Variants in SLC14A2 observed in about 807,000 individuals in gnomAD.
The protein encoded by SLC14A2 is urea transporter 2.
In SLC14A2, 91 loss-of-function variants were observed where a neutral mutation model predicts 104.6. The observed-to-expected ratio is 0.87, with a 90% CI of 0.73 to 1.04. The LOEUF is 1.04. Among genes scored for constraint, SLC14A2 ranks in the 50% least tolerant of loss-of-function variants. The pLI, the probability that SLC14A2 is intolerant of heterozygous loss-of-function variation, is 0.00. For synonymous variants in SLC14A2, 476 were observed against 466.4 expected (o/e 1.02, Z -0.27); for missense variants, 1,189 against 1,156.0 (o/e 1.03, Z -0.41).
intron 1 of SLC14A2, among the ~76,000 whole-genome samples, chr18:45,339,644 G>T (rs962186110): frequency 6.6e-6 from 1 of 152,192 alleles, no homozygotes; most frequent in Non-Finnish European, 1.5e-5. Flanking sequence ...ACATGGAGAA[G>T]AGAATGACCT....
At chr18:45,275,410 G>T (rs1013284906) in intron 1 of SLC14A2, among the ~76,000 whole-genome samples, 2 of 152,170 alleles carry the variant, frequency 1.3e-5, no homozygotes, top group Admixed American at 1.3e-4. Context: ...AGATGATGGA[G>T]TAGTTTTGCA....
intron 1 of SLC14A2, among the ~76,000 whole-genome samples, chr18:45,261,715 A>C (rs1443691636): frequency 6.6e-6 from 1 of 152,102 alleles, no homozygotes; most frequent in Non-Finnish European, 1.5e-5. Context: ...AATTTCATCC[A>C]TGTCCCTACA....
At chr18:45,514,315 G>C (rs1266846343) in intron 2 of SLC14A2, among the ~76,000 whole-genome samples, 3 of 152,144 alleles carry the variant, frequency 2.0e-5, no homozygotes, top group Non-Finnish European at 4.4e-5. Flanking sequence ...AGCATGCAAA[G>C]GGGAAGATGC....
chr18:45,383,242 G>C (rs545497223), intron 1 of SLC14A2, among the ~76,000 whole-genome samples: 1 of 152,338 alleles, frequency 6.6e-6, no homozygotes, highest in East Asian at 1.9e-4. Flanking sequence ...ATCCCATTCA[G>C]CTCCCAGAAG....
intron 2 of SLC14A2, among the ~76,000 whole-genome samples, chr18:45,493,728 G>GT (rs1348068379): frequency 6.6e-6 from 1 of 152,200 alleles, no homozygotes; most frequent in African/African-American, 2.4e-5. Flanking sequence ...CTTTATACTA[G>GT]TTTTTTAGTT....
chr18:45,566,136 GAA>G (rs959702444), intron 2 of SLC14A2, among the ~76,000 whole-genome samples: 3 of 152,216 alleles, frequency 2.0e-5, no homozygotes, highest in Admixed American at 2.0e-4. Flanking sequence ...AATTCAGATA[GAA>G]AATTAAGAAA....
intron 1 of SLC14A2, among the ~76,000 whole-genome samples, chr18:45,294,353 A>G (rs1340564212): frequency 2.0e-5 from 3 of 152,208 alleles, no homozygotes; most frequent in Non-Finnish European, 4.4e-5. Context: ...TTCTACTGAA[A>G]ACATCCTGTA....
intron 1 of SLC14A2, among the ~76,000 whole-genome samples, chr18:45,457,855 G>A (rs2086971496): frequency 6.6e-6 from 1 of 152,130 alleles, no homozygotes; most frequent in African/African-American, 2.4e-5. Flanking sequence ...GATCATGAGA[G>A]CAGCTACCCC....
At chr18:45,261,494 G>A (rs867803497) in intron 1 of SLC14A2, among the ~76,000 whole-genome samples, 7 of 151,412 alleles carry the variant, frequency 4.6e-5, no homozygotes, top group East Asian at 1.9e-4. Context: ...TGCCATGCTC[G>A]TGTGCTGCAC....
intron 1 of SLC14A2, among the ~76,000 whole-genome samples, chr18:45,272,237 G>A (rs748553627): frequency 7.9e-5 from 12 of 152,030 alleles, no homozygotes; most frequent in Admixed American, 2.0e-4. Context: ...CAATCCCACT[G>A]CTGGGTATAT....
At chr18:45,530,911 C>T (rs1044042241) in intron 2 of SLC14A2, among the ~76,000 whole-genome samples, 14 of 151,960 alleles carry the variant, frequency 9.2e-5, no homozygotes, top group East Asian at 7.7e-4. Flanking sequence ...CATGTGTTCT[C>T]ATTGTTCAGT....
chr18:45,192,160 ACTCT>A, the SLC14A2 span, among the ~76,000 whole-genome samples: 1 of 151,902 alleles, frequency 6.6e-6, no homozygotes, highest in Non-Finnish European at 1.5e-5. Flanking sequence ...AGTGAAATTT[ACTCT>A]CTCTAGCACA....
At chr18:45,650,264 T>TCTTAAAA (rs1245257470) in intron 10 of SLC14A2, among the ~76,000 whole-genome samples, 63 of 152,356 alleles carry the variant, frequency 4.1e-4, no homozygotes, top group African/African-American at 1.5e-3. Context: ...TTAAAAATCA[T>TCTTAAAA]GTTTTTAGTT....
At chr18:45,405,300 G>A (rs996810348) in intron 1 of SLC14A2, among the ~76,000 whole-genome samples, 11 of 152,274 alleles carry the variant, frequency 7.2e-5, no homozygotes, top group African/African-American at 2.6e-4. Context: ...GGCAAACTAA[G>A]CCAGGAGAGG....
intron 1 of SLC14A2, among the ~76,000 whole-genome samples, chr18:45,336,157 G>A (rs1452645246): frequency 6.6e-6 from 1 of 152,034 alleles, no homozygotes; most frequent in African/African-American, 2.4e-5. Flanking sequence ...AGAAAAATGA[G>A]GGGTAGCAAA....
chr18:45,642,601 C>G (rs548561446), intron 8 of SLC14A2, among the ~76,000 whole-genome samples: 1 of 152,332 alleles, frequency 6.6e-6, no homozygotes, highest in African/African-American at 2.4e-5. Context: ...TCCTCAGGAC[C>G]CAGCTCCCAT....
intron 2 of SLC14A2, among the ~76,000 whole-genome samples, chr18:45,504,526 A>C (rs1452793147): frequency 6.6e-6 from 1 of 152,146 alleles, no homozygotes; most frequent in African/African-American, 2.4e-5. Context: ...GCTAGTTAAT[A>C]TCCTGTTTAA....
At chr18:45,526,240 T>G (rs953895020) in intron 2 of SLC14A2, among the ~76,000 whole-genome samples, 2 of 152,204 alleles carry the variant, frequency 1.3e-5, no homozygotes, top group African/African-American at 4.8e-5. Context: ...TGGAATTCCC[T>G]GTCCAGCTGA....
chr18:45,575,594 A>G (rs1489340449), intron 2 of SLC14A2, among the ~76,000 whole-genome samples: 1 of 152,210 alleles, frequency 6.6e-6, no homozygotes, highest in Non-Finnish European at 1.5e-5. Flanking sequence ...AAGTGCTCCA[A>G]GGTAATTTTA....
Sources: allele counts gnomAD v4.1 joint callset (sites outside exome capture counted in the v4.1 genomes callset), GRCh38; gene constraint gnomAD v4.1.1; transcripts MANE v1.5; gene names NCBI Gene and HGNC (gene_info 2026-07-23, HGNC 2026-07-21).